Variants in MKI67 observed in about 807,000 individuals in gnomAD.
The protein encoded by MKI67 is marker of proliferation Ki-67, also known as proliferation marker protein Ki-67.
Under a neutral mutation model 233.5 loss-of-function variants are expected in MKI67, and 152 were observed. The ratio of observed to expected loss-of-function variants is 0.65; its 90% confidence interval spans 0.57 to 0.74. The LOEUF (loss-of-function observed/expected upper bound fraction) is 0.74, where lower values mean the gene tolerates loss of function less well. Among genes scored for constraint, MKI67 ranks in the 30% least tolerant of loss-of-function variants. The probability of loss-of-function intolerance (pLI) is 0.00; values close to 1 mark genes in which losing one functional copy is unlikely to be tolerated. For synonymous variants in MKI67, 1,465 were observed against 1,418.5 expected, an observed-to-expected ratio of 1.03 and a Z score of -0.74; for missense variants, 3,940 against 3,885.2, an observed-to-expected ratio of 1.01 and a Z score of -0.37.
Position 128,103,591 on chromosome 10 carries a change from G to A in MKI67, c.8249C>T (p.Thr2750Met), listed in dbSNP as rs777735354. The change falls in exon 13 of 15, where the codon ACG (threonine) becomes ATG (methionine). Residue 2750 changes from threonine (T) to methionine (M), a missense_variant. Coordinates refer to ENST00000368654, the MANE Select transcript of MKI67 (RefSeq NM_002417.5). ...ACCTGCTGGTTCTTTGTCTGCATCC[G>A]TGGTTTCCCCTGATGTTTGTGTGAA... ...VKFTQTSGET[T>M]DADKEPAGED... The A allele has an allele frequency of 9.9e-6, 16 of 1,614,026 alleles. No homozygotes were observed. The highest frequency in any genetic ancestry group is 8.0e-5 in the African/African-American group (6 of 74,888).
At position 128,106,355 on chromosome 10, in the gene MKI67, G is replaced by C. The variant is rs139212331; in HGVS notation, c.5485C>G (p.Leu1829Val). 1.4e-5 allele frequency: 23 copies of C among 1,613,744 alleles called. No homozygotes were observed. The highest frequency in any genetic ancestry group is 1.1e-4 in the East Asian group (5 of 44,864). ...TCTCTGAAGCCAGTCAGTTCTTCTA[G>C]AGCCTGGGCCTTTTCCTTACGAGTT... ...LQTRKEKAQA[L>V]EELTGFRELF... The change falls in exon 13 of 15, where the codon CTA becomes GTA. Residue 1829 changes from leucine to valine, a missense_variant. By Grantham distance (32) the Leu-to-Val change is conservative. Coordinates refer to ENST00000368654, the MANE Select transcript of MKI67 (RefSeq NM_002417.5).
In MKI67 at chr10:128,099,176, G is replaced by A; in HGVS notation, c.*14C>T. ...AACTAACTTTATTATATTTTTCCCA[G>A]TTCGATTTTTCTGTCAAATATCTTC... On this transcript the variant is annotated 3_prime_UTR_variant, in exon 15 of 15. Coordinates refer to ENST00000368654, the MANE Select transcript of MKI67 (RefSeq NM_002417.5). The A allele has an allele frequency of 6.3e-7, 1 of 1,594,482 alleles. No homozygotes were observed. The highest frequency in any genetic ancestry group is 8.6e-7 in the Non-Finnish European group (1 of 1,168,240).
Position 128,108,631 on chromosome 10 carries a change from T to A in MKI67, c.3209A>T (p.Glu1070Val). The change falls in exon 13 of 15, where the codon GAG becomes GTG. Residue 1070 changes from glutamate (E) to valine (V), a missense_variant. Coordinates refer to ENST00000368654, the MANE Select transcript of MKI67 (RefSeq NM_002417.5). Reference protein sequence around the residue: ...GDGKSIRTFKESPKQILDPAA... With the variant: ...GDGKSIRTFKVSPKQILDPAA... ...TGGGTCCAGGATCTGCTTTGGAGACTCCTTAAACGTTCTGATGCTCTTGCC... is the reference window on the plus strand; with the variant it reads ...TGGGTCCAGGATCTGCTTTGGAGACACCTTAAACGTTCTGATGCTCTTGCC... 1 of 1,614,172 alleles carries A rather than the reference T, an allele frequency of 6.2e-7. No homozygotes were observed. Among genetic ancestry groups the A allele is most frequent in the Non-Finnish European group, 8.5e-7 (1 of 1,180,016 alleles).
Position 128,110,530 on chromosome 10 carries a change from A to G in MKI67, c.2264T>C (p.Ile755Thr), listed in dbSNP as rs993939854. The G allele has an allele frequency of 6.5e-7, 1 of 1,541,284 alleles. No homozygotes were observed. The highest frequency in any genetic ancestry group is 1.4e-5 in the African/African-American group (1 of 73,896). The change falls in exon 12 of 15, where the codon ATA (isoleucine) becomes ACA (threonine). Residue 755 changes from isoleucine to threonine, a missense_variant. Physicochemically the swap from Ile to Thr is moderately conservative, Grantham distance 89. Coordinates refer to ENST00000368654, the MANE Select transcript of MKI67 (RefSeq NM_002417.5). Reference protein sequence around the residue: ...KMDFKEDLSGIAEMFKTPVKE... With the variant: ...KMDFKEDLSGTAEMFKTPVKE... ...CACTGGGGTCTTGAACATTTCAGCT[A>G]TTCCTGTTAAATGAAAATATTTGAA...
At position 128,101,361 on chromosome 10, in the gene MKI67, C is replaced by T. The variant is rs1190472905; in HGVS notation, c.9602G>A (p.Arg3201Lys). 6.2e-7 allele frequency: 1 copy of T among 1,614,210 alleles called. No individual in the cohort carries two copies. Among genetic ancestry groups the T allele is most frequent in the Admixed American group, 1.7e-5 (1 of 60,020 alleles). ...EAGNSDSMCL[R>K]SRKTKSQPAA... is the part of the protein sequence containing the mutation. Reference sequence around the variant, plus strand: ...AGGCTGGCTTTTTGTCTTTCTTGATCTCAGGCACATGGAGTCTGAATTTCC... The same window carrying T: ...AGGCTGGCTTTTTGTCTTTCTTGATTTCAGGCACATGGAGTCTGAATTTCC... The change falls in exon 14 of 15, where the codon AGA (arginine) becomes AAA (lysine). Residue 3201 changes from arginine (R) to lysine (K), a missense_variant. By Grantham distance (26) the Arg-to-Lys change is conservative. Coordinates refer to ENST00000368654, the MANE Select transcript of MKI67 (RefSeq NM_002417.5).
At chr10:128,123,070 A>G (rs1373501442) in intron 3 of MKI67, 21 bp downstream of exon 3, 4 of 1,607,146 alleles carry the variant, frequency 2.5e-6, no homozygotes, top group Non-Finnish European at 2.6e-6. Context: ...TTAAAAGTAG[A>G]TCTTCAAAAA....
Position 128,107,569 on chromosome 10 carries a change from G to T in MKI67, c.4271C>A (p.Pro1424Gln). 1 of 1,614,056 alleles carries T rather than the reference G, an allele frequency of 6.2e-7. No homozygotes were observed. Among genetic ancestry groups the T allele is most frequent in the Non-Finnish European group, 8.5e-7 (1 of 1,180,018 alleles). ...GTTGATGCTTTTATCCTCACCTCCT[G>T]GTACTTTATCTGTGTGTGTGGTTTC... is the stretch of plus-strand genomic sequence containing the variant. ...SGETTHTDKV[P>Q]GGEDKSINAF... is the part of the protein sequence containing the mutation. Residue 1424 changes from proline (P) to glutamine (Q), a missense_variant, in exon 13 of 15, where the codon CCA (proline) becomes CAA (glutamine). Transcript: ENST00000368654.
intron 4 of MKI67, among the ~76,000 whole-genome samples, chr10:128,122,020 G>A (rs1034298137): frequency 1.3e-5 from 2 of 152,110 alleles, no homozygotes; most frequent in South Asian, 4.1e-4. Context: ...AAGCCAAAAC[G>A]GTGGTTTACT....
In MKI67 at chr10:128,106,461, T is replaced by C. The variant is rs1237599055; in HGVS notation, c.5379A>G (p.Lys1793=). ...GAGTTCCCAAAAACGTGTTGATGTC[T>C]TTCTCTTCACCTACTGCTGGTTTGG... ...HTPKPAVGEE[K]DINTFLGTPV... The change falls in exon 13 of 15, where the codon AAA becomes AAG. Residue 1793 remains lysine, a synonymous_variant. Coordinates refer to ENST00000368654, the MANE Select transcript of MKI67 (RefSeq NM_002417.5). 1 of 1,613,672 alleles carries C rather than the reference T, an allele frequency of 6.2e-7. No homozygotes were observed. The highest frequency in any genetic ancestry group is 2.2e-5 in the East Asian group (1 of 44,828).
chr10:128,114,672 C>T (rs962050602), intron 7 of MKI67, among the ~76,000 whole-genome samples: 6 of 152,040 alleles, frequency 3.9e-5, no homozygotes, highest in African/African-American at 1.4e-4. Flanking sequence ...TTGGGGCCAC[C>T]CTATCTCCTT....
At position 128,105,808 on chromosome 10, in the gene MKI67, T is replaced by A. The variant is rs764479015; in HGVS notation, c.6032A>T (p.Glu2011Val). 6.2e-6 allele frequency: 10 copies of A among 1,614,230 alleles called. No individual in the cohort carries two copies. In the South Asian group the frequency reaches 9.9e-5, roughly 16 times the overall value. ...TGTGAGCTTGCCGACTGGTAGGACC[T>A]CTTCTTTCACACCTACTTTCCCCAA... is the stretch of plus-strand genomic sequence containing the variant. ...ISLGKVGVKE[E>V]VLPVGKLTQT... Residue 2011 changes from glutamate (E) to valine (V), a missense_variant, in exon 13 of 15, where the codon GAG (glutamate) becomes GTG (valine). Coordinates refer to ENST00000368654, the MANE Select transcript of MKI67 (RefSeq NM_002417.5).
chr10:128,111,569 G>A, intron 11 of MKI67, 76 bp downstream of exon 11: 11 of 970,284 alleles, frequency 1.1e-5, no homozygotes, highest in Middle Eastern at 2.6e-4. Context: ...GATAAACAAA[G>A]TTAGCAAAAC....
At chr10:128,113,650 A>G in intron 7 of MKI67, 48 bp from the exon 8 acceptor site, 1 of 1,539,962 alleles carries the variant, frequency 6.5e-7, no homozygotes, top group Middle Eastern at 1.7e-4. Context: ...AAAACATACC[A>G]AGACTAGTGA....
chr10:128,099,318 C>G, intron 14 of MKI67, 63 bp from the exon 15 acceptor site: 1 of 1,357,318 alleles, frequency 7.4e-7, no homozygotes, highest in Non-Finnish European at 1.0e-6. Context: ...TAGAATCGAC[C>G]TCCTCTGCAA....
At position 128,105,251 on chromosome 10, in the gene MKI67, A is replaced by G; in HGVS notation, c.6589T>C (p.Leu2197=). 6.2e-7 allele frequency: 1 copy of G among 1,614,100 alleles called. No individual in the cohort carries two copies. The highest frequency in any genetic ancestry group is 8.5e-7 in the Non-Finnish European group (1 of 1,180,026). ...ATTGGTGTCTGGAAGAGCTCTTTCA[A>G]GCCAGCCAAGTCTTCTAGGGGTTGG... The part of the protein sequence containing the change: ...KAQPLEDLAG[L]KELFQTPICT... The change falls in exon 13 of 15, where the codon TTG becomes CTG. Residue 2197 remains leucine, a synonymous_variant. Transcript: ENST00000368654.
At chr10:128,123,317 A>C in intron 2 of MKI67, 148 bp from the exon 3 acceptor site, 1 of 636,334 alleles carries the variant, frequency 1.6e-6, no homozygotes, top group Non-Finnish European at 2.8e-6. Flanking sequence ...AATGTAAACG[A>C]TCTTGCATTT....
Position 128,115,090 on chromosome 10 carries a change from G to C in MKI67, c.1318C>G (p.His440Asp). 1 of 1,613,974 alleles carries C rather than the reference G, an allele frequency of 6.2e-7. No individual in the cohort carries two copies. Among genetic ancestry groups the C allele is most frequent in the East Asian group, 2.2e-5 (1 of 44,878 alleles). ...VEVLPTETEIHNEPFLTLWLT... is the reference protein window; with the variant it reads ...VEVLPTETEIDNEPFLTLWLT... Reference sequence around the variant, plus strand: ...CACAGAGTTAAAAATGGCTCATTGTGAATTTCAGTTTCCGTAGGCAGAACT... The same window carrying C: ...CACAGAGTTAAAAATGGCTCATTGTCAATTTCAGTTTCCGTAGGCAGAACT... The change falls in exon 7 of 15, where the codon CAC becomes GAC. Residue 440 changes from histidine to aspartate, a missense_variant. His to Asp is a moderately conservative substitution (Grantham distance 81, BLOSUM62 -1). Coordinates refer to ENST00000368654, the MANE Select transcript of MKI67 (RefSeq NM_002417.5).
At position 128,115,419 on chromosome 10, in the gene MKI67, C is replaced by A; in HGVS notation, c.989G>T (p.Ser330Ile). Reference sequence around the variant, plus strand: ...AGGAAAGCTGGCGCCCACAGCCTTGCTGGGAGTCTGAACAGACTCCACGTC... The same window carrying A: ...AGGAAAGCTGGCGCCCACAGCCTTGATGGGAGTCTGAACAGACTCCACGTC... ...GRDVESVQTP[S>I]KAVGASFPLY... is the part of the protein sequence containing the mutation. Residue 330 changes from serine (S) to isoleucine (I), a missense_variant, in exon 7 of 15, where the codon AGC becomes ATC. Coordinates refer to ENST00000368654, the MANE Select transcript of MKI67 (RefSeq NM_002417.5). The A allele has an allele frequency of 1.2e-6, 2 of 1,614,096 alleles. No homozygotes were observed. The highest frequency in any genetic ancestry group is 1.7e-6 in the Non-Finnish European group (2 of 1,180,012).
In MKI67 at chr10:128,101,640, A is replaced by C. The variant is rs1852337987; in HGVS notation, c.9323T>G (p.Val3108Gly). The stretch of plus-strand genomic sequence containing the variant: ...TTCTATTCTTTCTGCTAATACAAAG[A>C]CCTCAGTTATTTGCTGTTCTGCCTC... ...KTEAEQQITE[V>G]FVLAERIEIN... The change falls in exon 14 of 15, where the codon GTC becomes GGC. Residue 3108 changes from valine to glycine, a missense_variant. Transcript: ENST00000368654. The C allele has an allele frequency of 1.9e-6, 3 of 1,613,170 alleles. No homozygotes were observed. The highest frequency in any genetic ancestry group is 1.7e-5 in the Admixed American group (1 of 59,762).
Sources: gnomAD v4.1 joint callset for allele counts (sites outside exome capture counted in the v4.1 genomes callset) on GRCh38, gnomAD v4.1.1 for gene constraint, MANE v1.5 for transcripts, NCBI Gene and HGNC (gene_info 2026-07-23, HGNC 2026-07-21) for gene names.